The following GUCA1A variants were observed in gnomAD, a reference collection of about 807,000 sequenced individuals.
GUCA1A encodes guanylyl cyclase-activating protein 1.
Under a neutral mutation model 18.5 loss-of-function variants are expected in GUCA1A, and 14 were observed. The observed-to-expected ratio is 0.76, with a 90% CI of 0.50 to 1.18. The LOEUF (loss-of-function observed/expected upper bound fraction) is 1.18, where lower values mean the gene tolerates loss of function less well. Ranked by LOEUF, GUCA1A falls within the 50% of genes most tolerant of loss-of-function variation. The pLI, the probability that GUCA1A is intolerant of heterozygous loss-of-function variation, is 0.00. For missense variants in GUCA1A, 264 were observed against 262.4 expected, an observed-to-expected ratio of 1.01 and a Z score of -0.04; for synonymous variants, 97 against 100.2, an observed-to-expected ratio of 0.97 and a Z score of 0.19.
At chr6:42,174,364 C>T (rs1010413417) in intron 1 of GUCA1A, among the ~76,000 whole-genome samples, 3 of 152,196 alleles carry the variant, frequency 2.0e-5, no homozygotes, top group African/African-American at 4.8e-5. Flanking sequence ...TAATATTCTG[C>T]GGACATGAGG....
rs1464376870 is a variant in GUCA1A, at chr6:42,179,655, C to G, written c.*252C>G. 3 of 415,074 alleles carry G rather than the reference C, an allele frequency of 7.2e-6. No individual in the cohort carries two copies. Among genetic ancestry groups the G allele is most frequent in the Non-Finnish European group, 1.3e-5 (3 of 233,728 alleles). The allele number at this position is 415,074 out of a possible 1,614,324, so 25.7% of individuals were successfully genotyped here. ...CTGGGGGGCACTGTTCAACATCCCTCTGCCGTCGGGTGACCCCCTAGCCCT... is the reference window on the plus strand; with the variant it reads ...CTGGGGGGCACTGTTCAACATCCCTGTGCCGTCGGGTGACCCCCTAGCCCT... On this transcript the variant is annotated 3_prime_UTR_variant, in exon 4 of 4. Coordinates refer to ENST00000372958, the MANE Select transcript of GUCA1A (RefSeq NM_001384910.1).
chr6:42,173,610 A>G lies in GUCA1A; in HGVS notation c.-4A>G. 6.2e-7 allele frequency: 1 copy of G among 1,612,724 alleles called. No individual in the cohort carries two copies. ...CAGACGTCAGCCCCCTGAAGGCCTG[A>G]GCAATGGGCAACGTGATGGAGGGAA... is the stretch of plus-strand genomic sequence containing the variant. On this transcript the variant is annotated 5_prime_UTR_variant, in exon 1 of 4. Transcript: ENST00000372958.
chr6:42,175,579 G>A (rs1049652188), intron 1 of GUCA1A, among the ~76,000 whole-genome samples: 5 of 151,876 alleles, frequency 3.3e-5, no homozygotes, highest in East Asian at 1.9e-4. Context: ...TGGCCAGGCC[G>A]GTCTCAAACT....
At position 42,178,446 on chromosome 6, in the gene GUCA1A, C is replaced by G; in HGVS notation, c.351+17C>G. 1.9e-6 allele frequency: 3 copies of G among 1,611,336 alleles called. No homozygotes were observed. In the South Asian group the frequency reaches 3.3e-5, roughly 18 times the overall value. On this transcript the variant is annotated intron_variant, in intron 2 of 3. Coordinates refer to ENST00000372958, the MANE Select transcript of GUCA1A (RefSeq NM_001384910.1). ...ATCATCCAGGTGCAGAGGGCCCGGC[C>G]AGGGCTGGGGGCAGCGGTCTGGGGT...
chr6:42,178,075 G>T (rs1768004076), intron 1 of GUCA1A, among the ~76,000 whole-genome samples: 1 of 152,230 alleles, frequency 6.6e-6, no homozygotes, highest in South Asian at 2.1e-4. Flanking sequence ...AGGCAGGGTG[G>T]GCTATACAGG....
chr6:42,177,955 G>A (rs1562058928), intron 1 of GUCA1A, among the ~76,000 whole-genome samples: 1 of 152,242 alleles, frequency 6.6e-6, no homozygotes, highest in Non-Finnish European at 1.5e-5. Context: ...GACAATCACA[G>A]GGAAGCAGGC....
intron 1 of GUCA1A, 149 bp from the exon 2 acceptor site, chr6:42,178,131 C>T (rs1051645493): frequency 3.3e-6 from 3 of 915,618 alleles, no homozygotes; most frequent in Non-Finnish European, 5.3e-6. Context: ...GGGCTGGCCC[C>T]CTCGCTGCAT....
At chr6:42,177,461 G>T (rs1344824302) in intron 1 of GUCA1A, among the ~76,000 whole-genome samples, 1 of 151,978 alleles carries the variant, frequency 6.6e-6, no homozygotes, top group African/African-American at 2.4e-5. Context: ...TGGGAATACG[G>T]AGACTCAAGG....
chr6:42,174,668 C>T (rs962846900), intron 1 of GUCA1A, among the ~76,000 whole-genome samples: 9 of 152,170 alleles, frequency 5.9e-5, no homozygotes, highest in African/African-American at 2.2e-4. Context: ...ATTCATGATG[C>T]CGTGGATGTT....
intron 2 of GUCA1A, 94 bp from the exon 3 acceptor site, chr6:42,178,708 T>C (rs980736427): frequency 9.7e-7 from 1 of 1,033,362 alleles, no homozygotes; most frequent in Non-Finnish European, 1.5e-6. Flanking sequence ...CTCACTGCTC[T>C]TGGGAGCCGG....
chr6:42,173,900 G>C (rs549196049), intron 1 of GUCA1A, 86 bp downstream of exon 1: 2 of 995,654 alleles, frequency 2.0e-6, no homozygotes, highest in South Asian at 2.6e-5. Context: ...GAAGAGCAGA[G>C]AGGAGCATAG....
At chr6:42,178,462 G>A (rs997589247) in intron 2 of GUCA1A, 33 bp downstream of exon 2, 1 of 1,591,144 alleles carries the variant, frequency 6.3e-7, no homozygotes, top group Admixed American at 1.7e-5. Flanking sequence ...TGGGGGCAGC[G>A]GTCTGGGGTG....
Position 42,178,786 on chromosome 6 carries a change from C to G in GUCA1A, c.352-16C>G. The G allele has an allele frequency of 6.3e-7, 1 of 1,590,718 alleles. No individual in the cohort carries two copies. The highest frequency in any genetic ancestry group is 8.6e-7 in the Non-Finnish European group (1 of 1,158,662). ...AGGATGGGCCCCTCTCACTTCTGCC[C>G]CTTCTTCCCTCCCAGGCCATTCGCG... is the stretch of plus-strand genomic sequence containing the variant. On this transcript the variant is annotated splice_polypyrimidine_tract_variant and intron_variant, in intron 2 of 3. Transcript: ENST00000372958.
chr6:42,178,359 G>A lies in GUCA1A; in HGVS notation c.281G>A (p.Trp94Ter). Residue 94 changes from tryptophan to a stop codon, truncating the protein, a stop_gained, in exon 2 of 4, where the codon TGG (tryptophan) becomes TAG (stop). Transcript: ENST00000372958. LOFTEE classifies it high-confidence loss of function. Reference sequence around the variant, plus strand: ...GGGAAGGTGGAACAGAAGCTCCGCTGGTACTTCAAGCTCTATGATGTAGAT... The same window carrying A: ...GGGAAGGTGGAACAGAAGCTCCGCTAGTACTTCAAGCTCTATGATGTAGAT... Reference protein sequence around the residue: ...LKGKVEQKLRWYFKLYDVDGN... With the variant: ...LKGKVEQKLR 2 of 1,613,892 alleles carry A rather than the reference G, an allele frequency of 1.2e-6. No individual in the cohort carries two copies. Among genetic ancestry groups the A allele is most frequent in the Non-Finnish European group, 1.7e-6 (2 of 1,179,760 alleles).
At chr6:42,173,869 G>C in intron 1 of GUCA1A, 55 bp downstream of exon 1, 1 of 1,342,346 alleles carries the variant, frequency 7.4e-7, no homozygotes, top group Non-Finnish European at 1.1e-6. Flanking sequence ...CCCTCTGGAA[G>C]CCTGACCAGC....
intron 1 of GUCA1A, among the ~76,000 whole-genome samples, chr6:42,177,747 G>C (rs1173743342): frequency 6.6e-6 from 1 of 152,194 alleles, no homozygotes; most frequent in Non-Finnish European, 1.5e-5. Context: ...AGTCCTGGGA[G>C]GTGGGTTGGG....
At chr6:42,176,305 C>T (rs6923105) in intron 1 of GUCA1A, among the ~76,000 whole-genome samples, 33,758 of 152,180 alleles carry the variant, frequency 0.22, 6,608 homozygotes, top group African/African-American at 0.53. Flanking sequence ...ACACCCATGG[C>T]ACACAATCAC....
chr6:42,174,124 G>GAATTACA (rs1276685659), intron 1 of GUCA1A, among the ~76,000 whole-genome samples: 4 of 152,294 alleles, frequency 2.6e-5, no homozygotes, highest in Admixed American at 2.6e-4. Context: ...GTAATCCGAG[G>GAATTACA]CTGAATCCAA....
chr6:42,176,100 T>C (rs1422756225), intron 1 of GUCA1A, among the ~76,000 whole-genome samples: 2 of 152,226 alleles, frequency 1.3e-5, no homozygotes, highest in African/African-American at 4.8e-5. Context: ...GATTTTTGTC[T>C]TGTTCACTGT....
Sources: gnomAD v4.1 joint callset for allele counts (sites outside exome capture counted in the v4.1 genomes callset) on GRCh38, gnomAD v4.1.1 for gene constraint, MANE v1.5 for transcripts, NCBI Gene and HGNC (gene_info 2026-07-23, HGNC 2026-07-21) for gene names.